THRB: variants seen among roughly 807,000 people sequenced by gnomAD.
THRB encodes nuclear receptor subfamily 1 group A member 2.
A neutral mutation model predicts 47.8 loss-of-function variants in THRB; 12 were observed. That is an observed-to-expected ratio of 0.25 (90% CI 0.16 to 0.41). The LOEUF (loss-of-function observed/expected upper bound fraction) is 0.41, where lower values mean the gene tolerates loss of function less well. Ranked by LOEUF, THRB falls within the 10% of genes least tolerant of loss-of-function variation. The pLI is 1.00. For missense variants in THRB, 348 were observed against 589.2 expected, an observed-to-expected ratio of 0.59 and a Z score of 4.24; for synonymous variants, 218 against 212.2, an observed-to-expected ratio of 1.03 and a Z score of -0.24.
intron 5 of THRB, among the ~76,000 whole-genome samples, chr3:24,174,083 C>T (rs559207916): frequency 1.6e-3 from 243 of 152,040 alleles, no homozygotes; most frequent in Non-Finnish European, 2.9e-3. Flanking sequence ...AGGTTTGTTA[C>T]ATAGGTATAC....
chr3:24,184,582 TTC>T (rs2042328928), intron 5 of THRB, among the ~76,000 whole-genome samples: 1 of 152,196 alleles, frequency 6.6e-6, no homozygotes, highest in South Asian at 2.1e-4. Flanking sequence ...GGCTTTCTAT[TTC>T]TGTCTGCCCC....
At chr3:24,445,400 C>A (rs1361671570) in intron 1 of THRB, among the ~76,000 whole-genome samples, 1 of 151,932 alleles carries the variant, frequency 6.6e-6, no homozygotes, top group Non-Finnish European at 1.5e-5. Flanking sequence ...ACTGGAGTAG[C>A]AAAGGTGAAA....
intron 1 of THRB, among the ~76,000 whole-genome samples, chr3:24,438,771 C>T (rs1293270130): frequency 2.0e-5 from 3 of 151,962 alleles, no homozygotes; most frequent in Non-Finnish European, 2.9e-5. Context: ...TACTGGCCCT[C>T]GGTAAGAGAG....
chr3:24,445,163 T>C (rs562434421), intron 1 of THRB, among the ~76,000 whole-genome samples: 4 of 152,108 alleles, frequency 2.6e-5, no homozygotes, highest in Non-Finnish European at 2.9e-5. Flanking sequence ...AAAAGAGCAC[T>C]TATTTAATAA....
intron 3 of THRB, among the ~76,000 whole-genome samples, chr3:24,286,874 G>T (rs763628076): frequency 6.6e-6 from 1 of 152,236 alleles, no homozygotes; most frequent in East Asian, 1.9e-4. Context: ...TAGCCTGGGC[G>T]GCATGGGGTT....
chr3:24,218,820 G>T (rs1266322607), intron 4 of THRB, among the ~76,000 whole-genome samples: 4 of 151,924 alleles, frequency 2.6e-5, no homozygotes, highest in South Asian at 2.1e-4. Context: ...AACCCTATGG[G>T]GACTGCTCAC....
At chr3:24,429,346 C>T (rs1394638250) in intron 1 of THRB, among the ~76,000 whole-genome samples, 2 of 151,134 alleles carry the variant, frequency 1.3e-5, no homozygotes, top group Admixed American at 6.6e-5. Flanking sequence ...AAGTTATATG[C>T]ATATATGCAA....
chr3:24,442,515 G>T (rs6782825), intron 1 of THRB, among the ~76,000 whole-genome samples: 3 of 151,964 alleles, frequency 2.0e-5, no homozygotes, highest in Non-Finnish European at 4.4e-5. Context: ...GAGGTGGCAG[G>T]GTCAAAAATA....
At chr3:24,250,847 C>T (rs578006789) in intron 3 of THRB, among the ~76,000 whole-genome samples, 1 of 152,182 alleles carries the variant, frequency 6.6e-6, no homozygotes, top group Admixed American at 6.5e-5. Context: ...ACCAGAATAA[C>T]ATCACTAATG....
intron 4 of THRB, among the ~76,000 whole-genome samples, chr3:24,211,822 T>C (rs2046055689): frequency 1.3e-5 from 2 of 152,238 alleles, no homozygotes; most frequent in Non-Finnish European, 2.9e-5. Flanking sequence ...GCTAAGATGA[T>C]GTGCAGCAAT....
intron 1 of THRB, among the ~76,000 whole-genome samples, chr3:24,485,209 A>G (rs1165576321): frequency 6.6e-6 from 1 of 152,250 alleles, no homozygotes; most frequent in African/African-American, 2.4e-5. Flanking sequence ...GTAATATTCA[A>G]CTATGAATAG....
intron 4 of THRB, among the ~76,000 whole-genome samples, chr3:24,198,505 C>T (rs2044241709): frequency 8.1e-6 from 1 of 123,900 alleles, no homozygotes; most frequent in Non-Finnish European, 1.6e-5. Context: ...AGACCAAATC[C>T]ACAATTCTCA....
chr3:24,483,719 G>C (rs2125900624), intron 1 of THRB, among the ~76,000 whole-genome samples: 1 of 152,310 alleles, frequency 6.6e-6, no homozygotes, highest in African/African-American at 2.4e-5. Flanking sequence ...TAGGAGGGTG[G>C]TATGGCACAA....
chr3:24,307,003 TA>T (rs1048721706), intron 2 of THRB, among the ~76,000 whole-genome samples: 23 of 151,796 alleles, frequency 1.5e-4, no homozygotes, highest in African/African-American at 5.1e-4. Context: ...TTTCTCAAAA[TA>T]AAAAAATGAA....
chr3:24,323,319 A>G (rs1191844126), intron 2 of THRB, among the ~76,000 whole-genome samples: 2 of 151,958 alleles, frequency 1.3e-5, no homozygotes, highest in Non-Finnish European at 2.9e-5. Context: ...GCCAAGCAAG[A>G]CAGGAGCTGT....
At chr3:24,338,533 C>T (rs1365833523) in intron 1 of THRB, among the ~76,000 whole-genome samples, 1 of 152,196 alleles carries the variant, frequency 6.6e-6, no homozygotes, top group African/African-American at 2.4e-5. Flanking sequence ...TGAGTAAATA[C>T]ATACTCAGTT....
chr3:24,209,286 A>G (rs1332205025), intron 4 of THRB, among the ~76,000 whole-genome samples: 1 of 152,222 alleles, frequency 6.6e-6, no homozygotes, highest in African/African-American at 2.4e-5. Flanking sequence ...GCGATTCCTC[A>G]AGGATCTAGA....
At chr3:24,284,832 T>G (rs1305602028) in intron 3 of THRB, among the ~76,000 whole-genome samples, 1 of 151,900 alleles carries the variant, frequency 6.6e-6, no homozygotes, top group East Asian at 1.9e-4. Context: ...CATGAAAAAA[T>G]GCTCACCATC....
At chr3:24,136,504 T>C (rs2034695655) in intron 8 of THRB, among the ~76,000 whole-genome samples, 1 of 152,202 alleles carries the variant, frequency 6.6e-6, no homozygotes, top group African/African-American at 2.4e-5. Context: ...AAATACATAA[T>C]TTTCTAAAAT....
Sources: allele counts gnomAD v4.1 joint callset (sites outside exome capture counted in the v4.1 genomes callset), GRCh38; gene constraint gnomAD v4.1.1; transcripts MANE v1.5; gene names NCBI Gene and HGNC (gene_info 2026-07-23, HGNC 2026-07-21).